DLGAP2: variants seen among roughly 807,000 people sequenced by gnomAD.
DLGAP2 encodes the protein DLG associated protein 2, also known as disks large-associated protein 2.
Under a neutral mutation model 100.3 loss-of-function variants are expected in DLGAP2, and 26 were observed. The ratio of observed to expected loss-of-function variants is 0.26; its 90% CI spans 0.19 to 0.36. The LOEUF (loss-of-function observed/expected upper bound fraction) is 0.36. Among genes scored for constraint, DLGAP2 ranks in the 10% least tolerant of loss-of-function variants. The probability of loss-of-function intolerance (pLI) is 1.00; values close to 1 mark genes in which losing one functional copy is unlikely to be tolerated. For missense variants in DLGAP2, 1,858 were observed against 1,453.2 expected (o/e 1.28, Z -4.53); for synonymous variants, 886 against 630.1 (o/e 1.41, Z -6.08).
intron 1 of DLGAP2, among the ~76,000 whole-genome samples, chr8:800,622 G>A (rs182774069): frequency 6.6e-6 from 1 of 152,148 alleles, no homozygotes; most frequent in African/African-American, 2.4e-5. Context: ...GTACATGTAT[G>A]TTTATATGTG....
intron 2 of DLGAP2, among the ~76,000 whole-genome samples, chr8:1,174,830 C>T (rs1049388149): frequency 6.6e-6 from 1 of 152,120 alleles, no homozygotes; most frequent in African/African-American, 2.4e-5. Flanking sequence ...TAGACTATAG[C>T]AGCTGAGTTC....
chr8:999,146 C>T (rs983644005), intron 2 of DLGAP2, among the ~76,000 whole-genome samples: 2 of 151,978 alleles, frequency 1.3e-5, no homozygotes, highest in African/African-American at 4.8e-5. Context: ...TTATTCTGCA[C>T]AAAGTTGAGA....
intron 3 of DLGAP2, among the ~76,000 whole-genome samples, chr8:1,498,207 G>A (rs7005283): frequency 0.029 from 4,491 of 152,268 alleles, 197 homozygotes; most frequent in African/African-American, 0.1. Flanking sequence ...TGGAGATGCA[G>A]TTCCCACCGT....
chr8:1,287,631 T>TCA, intron 3 of DLGAP2, among the ~76,000 whole-genome samples: 1 of 73,998 alleles, frequency 1.4e-5, no homozygotes, highest in Non-Finnish European at 2.5e-5. Flanking sequence ...TAGTTTCGGT[T>TCA]GAGTGTGTGT....
At chr8:1,360,341 C>A (rs975905971) in intron 3 of DLGAP2, among the ~76,000 whole-genome samples, 4 of 151,306 alleles carry the variant, frequency 2.6e-5, no homozygotes, top group African/African-American at 4.9e-5. Context: ...ACGGTGCTTT[C>A]AACAAATCAC....
At chr8:1,114,352 A>G (rs1805052157) in intron 2 of DLGAP2, among the ~76,000 whole-genome samples, 1 of 152,068 alleles carries the variant, frequency 6.6e-6, no homozygotes, top group African/African-American at 2.4e-5. Flanking sequence ...TTGATAAACT[A>G]TTCATTACTG....
At chr8:1,367,449 G>T (rs1180066478) in intron 3 of DLGAP2, among the ~76,000 whole-genome samples, 1 of 152,210 alleles carries the variant, frequency 6.6e-6, no homozygotes, top group South Asian at 2.1e-4. Flanking sequence ...TTGTGGCTCA[G>T]AGCCTCATTC....
chr8:1,256,602 C>T (rs945399750), intron 2 of DLGAP2, among the ~76,000 whole-genome samples: 1 of 152,058 alleles, frequency 6.6e-6, no homozygotes, highest in Non-Finnish European at 1.5e-5. Context: ...TGCCCGGGTG[C>T]TGTGTGTGCG....
chr8:1,431,273 A>T (rs569748944), intron 3 of DLGAP2, among the ~76,000 whole-genome samples: 1 of 152,302 alleles, frequency 6.6e-6, no homozygotes, highest in East Asian at 1.9e-4. Context: ...TCCCGATTCA[A>T]TGTTTTGTAA....
At chr8:1,700,392 TCCCAC>T (rs1563071352) in intron 14 of DLGAP2, among the ~76,000 whole-genome samples, 149 of 72,396 alleles carry the variant, frequency 2.1e-3, no homozygotes, top group Non-Finnish European at 1.5e-4. Flanking sequence ...ACGGGGCAGG[TCCCAC>T]TGTCTTTAGG....
chr8:1,430,287 TAAG>T (rs1797388117), intron 3 of DLGAP2, among the ~76,000 whole-genome samples: 1 of 151,948 alleles, frequency 6.6e-6, no homozygotes, highest in African/African-American at 2.4e-5. Context: ...TTGCTAAAAA[TAAG>T]AAGAAAATAA....
chr8:996,315 A>C (rs147442499), intron 2 of DLGAP2, among the ~76,000 whole-genome samples: 59 of 152,280 alleles, frequency 3.9e-4, no homozygotes, highest in African/African-American at 1.3e-3. Context: ...TGTCGTTTAG[A>C]GACTACAGAG....
At chr8:1,522,303 C>G (rs34069066) in intron 4 of DLGAP2, among the ~76,000 whole-genome samples, 22,375 of 152,244 alleles carry the variant, frequency 0.15, 1,766 homozygotes, top group Non-Finnish European at 0.15. Flanking sequence ...GCTGTGTCTT[C>G]TGTGTTGAAA....
chr8:911,334 C>T (rs554293638), intron 2 of DLGAP2, among the ~76,000 whole-genome samples: 4 of 147,078 alleles, frequency 2.7e-5, no homozygotes, highest in African/African-American at 7.6e-5. Context: ...GTTGGAAGGA[C>T]GCATGTATAA....
chr8:1,589,453 T>C (rs1037870939), intron 6 of DLGAP2, among the ~76,000 whole-genome samples: 5 of 152,220 alleles, frequency 3.3e-5, no homozygotes, highest in African/African-American at 1.2e-4. Flanking sequence ...GTAATTTTTT[T>C]TGAGGTAGGG....
intron 2 of DLGAP2, among the ~76,000 whole-genome samples, chr8:1,153,363 G>A (rs1345529843): frequency 1.3e-5 from 2 of 152,024 alleles, no homozygotes; most frequent in Admixed American, 6.6e-5. Context: ...CAATTTAGTC[G>A]GGCTTCTAAA....
At chr8:871,449 CAT>C (rs1189299632) in intron 1 of DLGAP2, among the ~76,000 whole-genome samples, 3 of 152,318 alleles carry the variant, frequency 2.0e-5, no homozygotes, top group East Asian at 1.9e-4. Context: ...CATTTTCCTA[CAT>C]GTTTCTTCAT....
At chr8:1,211,101 A>G (rs1272782289) in intron 2 of DLGAP2, among the ~76,000 whole-genome samples, 1 of 152,216 alleles carries the variant, frequency 6.6e-6, no homozygotes, top group Non-Finnish European at 1.5e-5. Flanking sequence ...TGGTTTGAGG[A>G]CGTTTCCAAG....
intron 2 of DLGAP2, among the ~76,000 whole-genome samples, chr8:1,133,991 C>G (rs555809529): frequency 3.7e-4 from 56 of 151,954 alleles, no homozygotes; most frequent in Non-Finnish European, 7.1e-4. Context: ...ACTCCTCCCC[C>G]TCCTCCCCCC....
Sources: gnomAD v4.1 joint callset for allele counts (sites outside exome capture counted in the v4.1 genomes callset) on GRCh38, gnomAD v4.1.1 for gene constraint, MANE v1.5 for transcripts, NCBI Gene and HGNC (gene_info 2026-07-23, HGNC 2026-07-21) for gene names.